AGMO: variants seen among roughly 807,000 people sequenced by gnomAD.
The protein encoded by AGMO is alkylglycerol monooxygenase.
AGMO carries 75 observed loss-of-function variants against 60.2 expected under a neutral mutation model. That is an observed-to-expected ratio of 1.25 (90% CI 1.03 to 1.51). The LOEUF (loss-of-function observed/expected upper bound fraction) is 1.51. Ranked by LOEUF, AGMO falls within the 40% of genes most tolerant of loss-of-function variation. The pLI, the probability that AGMO is intolerant of heterozygous loss-of-function variation, is 0.00. For missense variants in AGMO, 763 were observed against 525.5 expected, an observed-to-expected ratio of 1.45 and a Z score of -4.42; for synonymous variants, 261 against 177.1, an observed-to-expected ratio of 1.47 and a Z score of -3.76.
At chr7:15,124,923 T>C in the AGMO span, among the ~76,000 whole-genome samples, 1 of 152,024 alleles carries the variant, frequency 6.6e-6, no homozygotes, top group Non-Finnish European at 1.5e-5. Flanking sequence ...CATAGTCTAA[T>C]GGCTGAACAT....
intron 6 of AGMO, 142 bp from the exon 7 acceptor site, chr7:15,391,047 A>G (rs1784118063): frequency 1.8e-6 from 1 of 563,508 alleles, no homozygotes; most frequent in African/African-American, 1.9e-5. Context: ...TCTCATTTAT[A>G]ACATCAGATT....
At position 15,441,249 on chromosome 7, in the gene AGMO, C is replaced by A. The variant is rs1208935421; in HGVS notation, c.410-10141G>T. On this transcript the variant is annotated intron_variant, in intron 3 of 12. Transcript: ENST00000342526. ...CTGTACATAGGAAAACTGTCCTTCT[C>A]TGCAAAAGTTGTCATGATTAGATAA... Among the ~76,000 whole-genome samples, 16 of 152,148 alleles carry A rather than the reference C, an allele frequency of 1.1e-4. 1 individual carries two copies. Among genetic ancestry groups the A allele is most frequent in the Non-Finnish European group, 2.4e-4 (16 of 68,020 alleles).
At chr7:15,231,500 G>T (rs999945342) in intron 12 of AGMO, among the ~76,000 whole-genome samples, 1 of 152,054 alleles carries the variant, frequency 6.6e-6, no homozygotes, top group Non-Finnish European at 1.5e-5. Context: ...CAAATTTTGC[G>T]TTATATTTTA....
intron 10 of AGMO, among the ~76,000 whole-genome samples, chr7:15,375,159 ATC>A (rs1231149330): frequency 3.3e-5 from 5 of 152,072 alleles, no homozygotes; most frequent in African/African-American, 1.2e-4. Flanking sequence ...TTAACATATT[ATC>A]TTTTTTGAAT....
intron 6 of AGMO, among the ~76,000 whole-genome samples, chr7:15,393,812 A>T (rs918786081): frequency 6.6e-6 from 1 of 152,304 alleles, no homozygotes; most frequent in Admixed American, 6.5e-5. Flanking sequence ...TTTAAAACAT[A>T]AAATGTGTAT....
intron 12 of AGMO, among the ~76,000 whole-genome samples, chr7:15,319,118 G>T (rs2128537216): frequency 6.6e-6 from 1 of 152,116 alleles, no homozygotes; most frequent in South Asian, 2.1e-4. Flanking sequence ...TATTTTTCAA[G>T]AAGTTGATTG....
At chr7:15,502,143 T>C (rs1783402413) in intron 3 of AGMO, among the ~76,000 whole-genome samples, 1 of 152,066 alleles carries the variant, frequency 6.6e-6, no homozygotes, top group Non-Finnish European at 1.5e-5. Flanking sequence ...AAAGAAATTA[T>C]CTCAGTGTTC....
At chr7:15,556,228 T>G (rs1007440662) in intron 2 of AGMO, among the ~76,000 whole-genome samples, 2 of 148,868 alleles carry the variant, frequency 1.3e-5, no homozygotes, top group African/African-American at 2.5e-5. Context: ...AGTTTTTTTT[T>G]TTTTTTTTTT....
intron 12 of AGMO, among the ~76,000 whole-genome samples, chr7:15,240,394 A>G (rs1782554663): frequency 6.6e-6 from 1 of 152,168 alleles, no homozygotes; most frequent in African/African-American, 2.4e-5. Flanking sequence ...CCTTCATCTG[A>G]CAAGAATTGA....
intron 12 of AGMO, among the ~76,000 whole-genome samples, chr7:15,357,548 A>T (rs1034418513): frequency 6.6e-6 from 1 of 152,178 alleles, no homozygotes; most frequent in Non-Finnish European, 1.5e-5. Flanking sequence ...GGCTGGTCTG[A>T]TAATTTGTTT....
chr7:15,535,783 G>C (rs192282308), intron 3 of AGMO, among the ~76,000 whole-genome samples: 121 of 151,740 alleles, frequency 8.0e-4, no homozygotes, highest in Middle Eastern at 6.8e-3. Context: ...TATCCTTTAG[G>C]CTACAAACAA....
intron 3 of AGMO, among the ~76,000 whole-genome samples, chr7:15,460,420 A>G (rs975637892): frequency 6.6e-6 from 1 of 152,118 alleles, no homozygotes; most frequent in Non-Finnish European, 1.5e-5. Flanking sequence ...CATACTTAAT[A>G]TCTGCAACCA....
chr7:15,275,537 T>C (rs12533783), intron 12 of AGMO, among the ~76,000 whole-genome samples: 2,683 of 152,282 alleles, frequency 0.018, 29 homozygotes, highest in Non-Finnish European at 0.029. Flanking sequence ...TTGGAAAGAA[T>C]GTTCTATAAA....
chr7:15,416,939 C>T (rs1237273463), intron 5 of AGMO, among the ~76,000 whole-genome samples: 1 of 152,306 alleles, frequency 6.6e-6, no homozygotes, highest in East Asian at 1.9e-4. Context: ...TTGTCTTTCT[C>T]TCCAGAAGCA....
intron 3 of AGMO, among the ~76,000 whole-genome samples, chr7:15,464,611 A>G (rs772723636): frequency 2.0e-5 from 3 of 152,174 alleles, no homozygotes; most frequent in Non-Finnish European, 4.4e-5. Context: ...ACGTCTTCTA[A>G]TATGAAAACT....
At chr7:15,287,203 G>A (rs1784122417) in intron 12 of AGMO, among the ~76,000 whole-genome samples, 1 of 152,034 alleles carries the variant, frequency 6.6e-6, no homozygotes, top group Non-Finnish European at 1.5e-5. Flanking sequence ...CAAAAACCAT[G>A]TACATCCCCA....
At chr7:15,241,408 C>T (rs1218098753) in intron 12 of AGMO, among the ~76,000 whole-genome samples, 1 of 121,554 alleles carries the variant, frequency 8.2e-6, no homozygotes, top group Non-Finnish European at 1.6e-5. Context: ...TGCAGTGAGC[C>T]GGGATAGCGC....
intron 12 of AGMO, among the ~76,000 whole-genome samples, chr7:15,364,083 CCTGATA>C (rs1782868405): frequency 6.6e-6 from 1 of 151,738 alleles, no homozygotes; most frequent in South Asian, 2.1e-4. Flanking sequence ...TATCCAAGAT[CCTGATA>C]CTAAGATAGT....
intron 2 of AGMO, among the ~76,000 whole-genome samples, chr7:15,557,982 G>A (rs1446503623): frequency 8.9e-6 from 1 of 112,172 alleles, no homozygotes; most frequent in African/African-American, 3.4e-5. Context: ...GGTTTGTTTT[G>A]GTTTCTTTTT....
Sources: allele counts gnomAD v4.1 joint callset (sites outside exome capture counted in the v4.1 genomes callset), GRCh38; gene constraint gnomAD v4.1.1; transcripts MANE v1.5; gene names NCBI Gene and HGNC (gene_info 2026-07-23, HGNC 2026-07-21).